The following SERPINA1 variants were observed in gnomAD, a reference collection of about 807,000 sequenced individuals.
SERPINA1 encodes the protein alpha-1-antitrypsin.
Under a neutral mutation model 25.4 loss-of-function variants are expected in SERPINA1, and 21 were observed. The ratio of observed to expected loss-of-function variants is 0.83; its 90% CI spans 0.59 to 1.19. SERPINA1 has a LOEUF of 1.19. Ranked by LOEUF, SERPINA1 falls within the 50% of genes most tolerant of loss-of-function variation. The probability of loss-of-function intolerance (pLI) is 0.00; values close to 1 mark genes in which losing one functional copy is unlikely to be tolerated. For missense variants in SERPINA1, 546 were observed against 509.0 expected, an observed-to-expected ratio of 1.07 and a Z score of -0.70; for synonymous variants, 218 against 211.1, an observed-to-expected ratio of 1.03 and a Z score of -0.29.
intron 1 of SERPINA1, among the ~76,000 whole-genome samples, chr14:94,385,890 G>A (rs1241064528): frequency 6.6e-6 from 1 of 152,182 alleles, no homozygotes; most frequent in African/African-American, 2.4e-5. Context: ...GAGAGGGTCA[G>A]GGCCTTGTTG....
chr14:94,387,578 G>GT (rs1401151647), intron 1 of SERPINA1, among the ~76,000 whole-genome samples: 2 of 152,156 alleles, frequency 1.3e-5, no homozygotes, highest in African/African-American at 4.8e-5. Flanking sequence ...GAACAGAGAG[G>GT]TTGAGCAACT....
intron 4 of SERPINA1, chr14:94,379,144 A>G (rs772680407): frequency 1.4e-5 from 8 of 581,474 alleles, no homozygotes; most frequent in Non-Finnish European, 2.1e-5. Context: ...CCTTTGAAAC[A>G]ACTTAGCCCA....
chr14:94,388,076 C>T (rs944439072), intron 1 of SERPINA1, among the ~76,000 whole-genome samples: 4 of 152,042 alleles, frequency 2.6e-5, no homozygotes, highest in Admixed American at 1.3e-4. Context: ...TCCTCCCCAC[C>T]CCTCTCTGGA....
At chr14:94,389,339 CG>C (rs1897527090), upstream of SERPINA1, among the ~76,000 whole-genome samples, 2 of 152,294 alleles carry the variant, frequency 1.3e-5, no homozygotes, top group Admixed American at 6.5e-5. Flanking sequence ...TGAAGTGCCT[CG>C]GGTGAAGTGC....
chr14:94,378,971 G>A, intron 4 of SERPINA1: 1 of 551,622 alleles, frequency 1.8e-6, no homozygotes. Context: ...CACGGACCCT[G>A]GCAGTGACCT....
chr14:94,389,340 G>A (rs903781160), upstream of SERPINA1, among the ~76,000 whole-genome samples: 2 of 152,190 alleles, frequency 1.3e-5, no homozygotes, highest in Non-Finnish European at 2.9e-5. Flanking sequence ...GAAGTGCCTC[G>A]GGTGAAGTGC....
intron 1 of SERPINA1, among the ~76,000 whole-genome samples, chr14:94,386,301 G>A (rs1316070350): frequency 6.6e-6 from 1 of 152,160 alleles, no homozygotes; most frequent in Non-Finnish European, 1.5e-5. Context: ...TCTTTGCGGG[G>A]CCAGGGACAG....
At chr14:94,379,398 C>T (rs994881794) in intron 4 of SERPINA1, 66 bp downstream of exon 4, 104 of 1,602,704 alleles carry the variant, frequency 6.5e-5, no homozygotes, top group African/African-American at 1.3e-4. Context: ...CAGGACAGAG[C>T]TGCAGCCCCC....
At chr14:94,382,151 A>G (rs1047112584) in intron 2 of SERPINA1, among the ~76,000 whole-genome samples, 22 of 152,252 alleles carry the variant, frequency 1.4e-4, no homozygotes, top group African/African-American at 5.1e-4. Context: ...GGTAGAATGC[A>G]TTGTTTTTGT....
chr14:94,385,072 G>A (rs757819724), intron 1 of SERPINA1, among the ~76,000 whole-genome samples: 21 of 152,230 alleles, frequency 1.4e-4, no homozygotes, highest in Non-Finnish European at 2.6e-4. Context: ...ACTTTGTGCA[G>A]TCCTTCATGG....
Position 94,383,199 on chromosome 14 carries a change from T to C in SERPINA1, c.39A>G (p.Ala13=). The change falls in exon 2 of 5, where the codon GCA becomes GCG. Residue 13 remains alanine, a synonymous_variant. Transcript: ENST00000393087. ...SSVSWGILLL[A]GLCCLVPVSL... ...AGACAGGGACCAGGCAGCACAGGCC[T>C]GCCAGCAGGAGGATGCCCCACGAGA... 1 of 1,614,048 alleles carries C rather than the reference T, an allele frequency of 6.2e-7. No homozygotes were observed. Among genetic ancestry groups the C allele is most frequent in the Non-Finnish European group, 8.5e-7 (1 of 1,180,006 alleles).
intron 1 of SERPINA1, among the ~76,000 whole-genome samples, chr14:94,385,739 G>A (rs1034463020): frequency 6.6e-6 from 1 of 152,236 alleles, no homozygotes; most frequent in African/African-American, 2.4e-5. Flanking sequence ...TGGGCTCAAA[G>A]GAGGTGGAGA....
intron 1 of SERPINA1, among the ~76,000 whole-genome samples, chr14:94,386,607 G>A (rs762038862): frequency 1.3e-5 from 2 of 152,168 alleles, no homozygotes; most frequent in Non-Finnish European, 2.9e-5. Context: ...TGGGCACCAG[G>A]TGAGGAAGCC....
In SERPINA1 at chr14:94,386,540, C is replaced by T. The variant is rs545316530; in HGVS notation, c.-5+2020G>A. ...TTTGAGCACTAGCTTCATAGCTGTA[C>T]AATGGAGAAAAGAATCCTTTGGACA... On this transcript the variant is annotated intron_variant, in intron 1 of 4. Coordinates refer to ENST00000393087, the MANE Select transcript of SERPINA1 (RefSeq NM_000295.5). 1.1e-3 allele frequency among the ~76,000 whole-genome samples: 163 copies of T among 152,266 alleles called. 1 individual carries two copies. Among genetic ancestry groups the T allele is most frequent in the Middle Eastern group, 6.8e-3 (2 of 294 alleles).
Position 94,378,375 on chromosome 14 carries a change from A to G in SERPINA1, c.*74T>C, listed in dbSNP as rs1896514388. The G allele has an allele frequency of 4.6e-6, 6 of 1,291,020 alleles. No homozygotes were observed. In the Admixed American group the frequency reaches 5.1e-5, roughly 11 times the overall value. 80.0% of individuals were successfully genotyped at this position (1,291,020 alleles called of 1,614,324 possible). A position where few individuals can be genotyped will look rare whatever the true frequency, so the allele number is the denominator to read the frequency against. On this transcript the variant is annotated 3_prime_UTR_variant, in exon 5 of 5. Coordinates refer to ENST00000393087, the MANE Select transcript of SERPINA1 (RefSeq NM_000295.5). ...TTACAGTCACATGCAGGCAGGGACC[A>G]GCTCAACCCTTCTTTAATGTCATCC...
intron 1 of SERPINA1, 59 bp from the exon 2 acceptor site, chr14:94,383,300 G>C: frequency 2.6e-6 from 4 of 1,553,540 alleles, no homozygotes. Flanking sequence ...GACTCCCAGT[G>C]ATCAGGGATT....
intron 1 of SERPINA1, chr14:94,384,177 A>T (rs1247478510): frequency 3.3e-5 from 5 of 152,230 alleles, no homozygotes; most frequent in Non-Finnish European, 7.3e-5. Context: ...CACCTCTTTT[A>T]ACTTCAGATA....
rs771810584 is a variant in SERPINA1, at chr14:94,378,414, G to A, written c.*35C>T. The A allele has an allele frequency of 6.3e-7, 1 of 1,583,380 alleles. No homozygotes were observed. The highest frequency in any genetic ancestry group is 8.7e-7 in the Non-Finnish European group (1 of 1,152,140). ...TTAATGTCATCCAGGGAGGGGGCCA[G>A]GGATGGAGGGGAGGGGTTGAGGAGC... On this transcript the variant is annotated 3_prime_UTR_variant, in exon 5 of 5. Transcript: ENST00000393087.
chr14:94,386,973 A>G (rs1233284619), intron 1 of SERPINA1, among the ~76,000 whole-genome samples: 1 of 152,348 alleles, frequency 6.6e-6, no homozygotes, highest in East Asian at 1.9e-4. Context: ...AAGAGCATTA[A>G]ATAACTCACT....
Sources: allele counts gnomAD v4.1 joint callset (sites outside exome capture counted in the v4.1 genomes callset), GRCh38; gene constraint gnomAD v4.1.1; transcripts MANE v1.5; gene names NCBI Gene and HGNC (gene_info 2026-07-23, HGNC 2026-07-21).